The following DDX60L variants were observed in gnomAD, a reference collection of about 807,000 sequenced individuals.
DDX60L encodes the protein probable ATP-dependent RNA helicase DDX60-like.
DDX60L carries 191 observed loss-of-function variants against 211.6 expected under a neutral mutation model. That is an observed-to-expected ratio of 0.90 (90% CI 0.80 to 1.02). The LOEUF (loss-of-function observed/expected upper bound fraction) is 1.02, where lower values mean the gene tolerates loss of function less well. Ranked by LOEUF, DDX60L falls within the 50% of genes least tolerant of loss-of-function variation. The pLI is 0.00. For synonymous variants in DDX60L, 706 were observed against 694.1 expected, an observed-to-expected ratio of 1.02 and a Z score of -0.27; for missense variants, 2,007 against 1,984.1, an observed-to-expected ratio of 1.01 and a Z score of -0.22.
At chr4:168,458,639 A>T (rs956639410) in intron 5 of DDX60L, among the ~76,000 whole-genome samples, 5 of 152,080 alleles carry the variant, frequency 3.3e-5, no homozygotes, top group Non-Finnish European at 7.4e-5. Context: ...AACAACACAC[A>T]CTAGGGCCTG....
At chr4:168,458,115 TGC>T in intron 5 of DDX60L, 107 bp from the exon 6 acceptor site, 6 of 614,590 alleles carry the variant, frequency 9.8e-6, no homozygotes, top group Non-Finnish European at 1.6e-5. Context: ...TATTATCTCA[TGC>T]TGGTCAGAAT....
At chr4:168,371,480 A>G in intron 36 of DDX60L, 132 bp downstream of exon 36, 1 of 299,130 alleles carries the variant, frequency 3.3e-6, no homozygotes, top group Non-Finnish European at 5.8e-6. Flanking sequence ...AAAAATATAT[A>G]ATATAAATTT....
intron 22 of DDX60L, among the ~76,000 whole-genome samples, chr4:168,409,916 T>G (rs60179814): frequency 0.2 from 30,199 of 150,986 alleles, 3,138 homozygotes; most frequent in East Asian, 0.28. Flanking sequence ...TTATAGTACA[T>G]TTATTATAAA....
Position 168,415,740 on chromosome 4 carries a change from C to T in DDX60L, c.2786G>A (p.Cys929Tyr). The change falls in exon 21 of 38, where the codon TGT becomes TAT. Residue 929 changes from cysteine to tyrosine, a missense_variant. Cys to Tyr is a radical substitution (Grantham distance 194). Coordinates refer to ENST00000682922, the MANE Select transcript of DDX60L (RefSeq NM_001012967.3). Reference sequence around the variant, plus strand: ...TTTGTCAGCCTGTTTTTCAGAAATACATTTCTCTTCCATAATCTTGTCTGC... The same window carrying T: ...TTTGTCAGCCTGTTTTTCAGAAATATATTTCTCTTCCATAATCTTGTCTGC... ...KQADKIMEEK[C>Y]ISEKQADKCL... 1 of 1,595,830 alleles carries T rather than the reference C, an allele frequency of 6.3e-7. No individual in the cohort carries two copies. The highest frequency in any genetic ancestry group is 8.5e-7 in the Non-Finnish European group (1 of 1,169,930).
chr4:168,392,687 T>C (rs1475793372), intron 28 of DDX60L, among the ~76,000 whole-genome samples: 1 of 151,848 alleles, frequency 6.6e-6, no homozygotes, highest in Non-Finnish European at 1.5e-5. Flanking sequence ...CTATTAAAAA[T>C]ACAAAATTAG....
chr4:168,372,261 A>G (rs1380197654), intron 35 of DDX60L, among the ~76,000 whole-genome samples: 2 of 152,146 alleles, frequency 1.3e-5, no homozygotes, highest in Non-Finnish European at 2.9e-5. Context: ...AAAAAGTGGC[A>G]GAGGAGGAGG....
At chr4:168,431,829 G>A (rs1752406702) in intron 12 of DDX60L, among the ~76,000 whole-genome samples, 1 of 152,072 alleles carries the variant, frequency 6.6e-6, no homozygotes, top group Non-Finnish European at 1.5e-5. Context: ...CTTTCCTTAG[G>A]ACCCATTTTT....
intron 14 of DDX60L, among the ~76,000 whole-genome samples, chr4:168,425,553 G>C (rs1423213090): frequency 6.6e-6 from 1 of 152,194 alleles, no homozygotes; most frequent in East Asian, 1.9e-4. Flanking sequence ...CCTGAGGTCA[G>C]GAGTTCAAGA....
chr4:168,455,224 CAG>C (rs1259777472), intron 7 of DDX60L, among the ~76,000 whole-genome samples: 1 of 148,952 alleles, frequency 6.7e-6, no homozygotes, highest in Non-Finnish European at 1.5e-5. Context: ...GTTTTAAGAA[CAG>C]AGTTTTCAGC....
intron 33 of DDX60L, among the ~76,000 whole-genome samples, chr4:168,376,370 T>C (rs1741949743): frequency 6.6e-6 from 1 of 152,132 alleles, no homozygotes; most frequent in African/African-American, 2.4e-5. Flanking sequence ...GGGCACAAAT[T>C]ATATTCCAAG....
At chr4:168,445,407 A>G (rs992637543) in intron 9 of DDX60L, among the ~76,000 whole-genome samples, 20 of 151,098 alleles carry the variant, frequency 1.3e-4, no homozygotes, top group Middle Eastern at 6.8e-3. Flanking sequence ...AACCAAAAAG[A>G]GTCCAGGACC....
At chr4:168,403,717 G>A (rs17649886) in intron 25 of DDX60L, among the ~76,000 whole-genome samples, 46,605 of 151,870 alleles carry the variant, frequency 0.31, 7,378 homozygotes, top group East Asian at 0.42. Flanking sequence ...CTTACAAAAA[G>A]AAATTTAGGA....
chr4:168,463,733 CA>C (rs559207637), intron 4 of DDX60L, among the ~76,000 whole-genome samples: 1 of 151,906 alleles, frequency 6.6e-6, no homozygotes, highest in Non-Finnish European at 1.5e-5. Flanking sequence ...ACCCCCACCC[CA>C]AAAAAATCCT....
chr4:168,384,940 C>T, intron 29 of DDX60L, 128 bp from the exon 30 acceptor site: 1 of 957,746 alleles, frequency 1.0e-6, no homozygotes, highest in Non-Finnish European at 1.6e-6. Context: ...TGAAACTAAT[C>T]TATGTTAACA....
intron 4 of DDX60L, among the ~76,000 whole-genome samples, chr4:168,465,443 G>A (rs1446689800): frequency 6.6e-6 from 1 of 151,978 alleles, no homozygotes; most frequent in South Asian, 2.1e-4. Context: ...CATTCTGAAG[G>A]TGTCTCTTTA....
At chr4:168,414,107 T>G (rs1749127172) in intron 22 of DDX60L, among the ~76,000 whole-genome samples, 1 of 152,136 alleles carries the variant, frequency 6.6e-6, no homozygotes, top group South Asian at 2.1e-4. Flanking sequence ...AAAAATCTTT[T>G]ATCATGGGAT....
At chr4:168,382,436 C>T (rs1456216060) in intron 30 of DDX60L, among the ~76,000 whole-genome samples, 2 of 152,054 alleles carry the variant, frequency 1.3e-5, no homozygotes, top group African/African-American at 2.4e-5. Context: ...TTCCTTCTTT[C>T]AGCTTTTCTA....
At chr4:168,394,675 C>T (rs1745464059) in intron 27 of DDX60L, 58 bp from the exon 28 acceptor site, 1 of 1,469,662 alleles carries the variant, frequency 6.8e-7, no homozygotes, top group South Asian at 1.3e-5. Context: ...ATTTCAAGCT[C>T]AATCAGAATC....
At chr4:168,420,509 A>G in intron 17 of DDX60L, 129 bp from the exon 18 acceptor site, 1 of 840,024 alleles carries the variant, frequency 1.2e-6, no homozygotes, top group East Asian at 3.0e-5. Context: ...CACACACTTC[A>G]ATGAAAATGA....
Sources: allele counts gnomAD v4.1 joint callset (sites outside exome capture counted in the v4.1 genomes callset), GRCh38; gene constraint gnomAD v4.1.1; transcripts MANE v1.5; gene names NCBI Gene and HGNC (gene_info 2026-07-23, HGNC 2026-07-21).